The following CDK19 variants were observed in gnomAD, a reference collection of about 807,000 sequenced individuals.
CDK19 encodes the protein cyclin dependent kinase 19, also known as cyclin-dependent kinase 19.
In CDK19, 20 loss-of-function variants were observed where a neutral mutation model predicts 68.3. That is an observed-to-expected ratio of 0.29 (90% confidence interval 0.21 to 0.43). The LOEUF (loss-of-function observed/expected upper bound fraction) is 0.43, where lower values mean the gene tolerates loss of function less well. Ranked by LOEUF, CDK19 falls within the 20% of genes least tolerant of loss-of-function variation. The probability of loss-of-function intolerance (pLI) is 1.00; values close to 1 mark genes in which losing one functional copy is unlikely to be tolerated. For missense variants in CDK19, 339 were observed against 623.5 expected, an observed-to-expected ratio of 0.54 and a Z score of 4.86; for synonymous variants, 221 against 222.8, an observed-to-expected ratio of 0.99 and a Z score of 0.07.
At chr6:110,728,080 G>A (rs1315681077) in intron 2 of CDK19, among the ~76,000 whole-genome samples, 1 of 151,904 alleles carries the variant, frequency 6.6e-6, no homozygotes, top group Non-Finnish European at 1.5e-5. Flanking sequence ...ACGAGGTCGG[G>A]AGTTCAAGAC....
At chr6:110,782,250 A>T (rs1176525893) in intron 1 of CDK19, among the ~76,000 whole-genome samples, 1 of 152,234 alleles carries the variant, frequency 6.6e-6, no homozygotes, top group African/African-American at 2.4e-5. Context: ...TGTCCCTTTT[A>T]TGCCTGCTCA....
chr6:110,648,473 A>C (rs1165228196), intron 4 of CDK19, among the ~76,000 whole-genome samples: 2 of 152,112 alleles, frequency 1.3e-5, no homozygotes, highest in Non-Finnish European at 2.9e-5. Context: ...ACAATGCCTA[A>C]GAATAAATAT....
intron 4 of CDK19, among the ~76,000 whole-genome samples, chr6:110,652,945 C>T (rs570461394): frequency 6.6e-6 from 1 of 152,220 alleles, no homozygotes; most frequent in South Asian, 2.1e-4. Flanking sequence ...AGTTTGAGAA[C>T]AGAACCTAGA....
chr6:110,774,099 T>G (rs1780223906), intron 1 of CDK19, among the ~76,000 whole-genome samples: 1 of 152,196 alleles, frequency 6.6e-6, no homozygotes, highest in South Asian at 2.1e-4. Flanking sequence ...ATAGGTAACA[T>G]TCACAATTAA....
At chr6:110,689,700 G>T (rs1008121884) in intron 2 of CDK19, among the ~76,000 whole-genome samples, 2 of 152,102 alleles carry the variant, frequency 1.3e-5, no homozygotes, top group Non-Finnish European at 2.9e-5. Context: ...CGGAGTCTGC[G>T]TCACTCCCCG....
intron 2 of CDK19, among the ~76,000 whole-genome samples, chr6:110,721,460 T>C (rs1442416155): frequency 6.6e-6 from 1 of 151,988 alleles, no homozygotes; most frequent in Non-Finnish European, 1.5e-5. Context: ...AAGATAACTT[T>C]TGTGGGGGCG....
At chr6:110,770,515 C>T (rs1002562336) in intron 1 of CDK19, among the ~76,000 whole-genome samples, 1 of 152,152 alleles carries the variant, frequency 6.6e-6, no homozygotes, top group Non-Finnish European at 1.5e-5. Flanking sequence ...CTCCCACTGG[C>T]TCCATCCCAC....
chr6:110,789,889 A>C (rs1293815297), intron 1 of CDK19, among the ~76,000 whole-genome samples: 1 of 152,206 alleles, frequency 6.6e-6, no homozygotes, highest in Non-Finnish European at 1.5e-5. Context: ...AATCTCCAAA[A>C]AATTTTTCTA....
intron 8 of CDK19, among the ~76,000 whole-genome samples, chr6:110,623,911 G>A (rs555131121): frequency 1.9e-4 from 24 of 127,900 alleles, no homozygotes; most frequent in Non-Finnish European, 3.3e-4. Context: ...ATATATATAC[G>A]TATATATATA....
chr6:110,763,688 T>A (rs931970906), intron 1 of CDK19, among the ~76,000 whole-genome samples: 1 of 152,186 alleles, frequency 6.6e-6, no homozygotes, highest in Non-Finnish European at 1.5e-5. Context: ...GTGCTGGGAT[T>A]ACTGGCATGA....
intron 1 of CDK19, among the ~76,000 whole-genome samples, chr6:110,783,483 CAA>C (rs560242300): frequency 1.1e-4 from 17 of 151,564 alleles, no homozygotes; most frequent in Non-Finnish European, 2.2e-4. Flanking sequence ...ACTAAAAATA[CAA>C]AAGTTAGCTG....
At chr6:110,645,969 G>A (rs774995919) in intron 4 of CDK19, 9 of 1,164,504 alleles carry the variant, frequency 7.7e-6, no homozygotes, top group African/African-American at 1.5e-5. Flanking sequence ...CTTCTACAAC[G>A]AGCACATGCA....
At chr6:110,657,770 G>A (rs994079215) in intron 4 of CDK19, among the ~76,000 whole-genome samples, 2 of 152,156 alleles carry the variant, frequency 1.3e-5, no homozygotes, top group African/African-American at 4.8e-5. Context: ...TTAAGTCAGT[G>A]ATTATCAAAT....
At chr6:110,770,598 C>T in intron 1 of CDK19, among the ~76,000 whole-genome samples, 1 of 152,100 alleles carries the variant, frequency 6.6e-6, no homozygotes, top group Non-Finnish European at 1.5e-5. Flanking sequence ...CCATATCATT[C>T]CACTCCTGAC....
In CDK19 at chr6:110,667,533, CT is replaced by C; in HGVS notation, c.356del (p.Lys119SerfsTer34). Reference sequence around the variant, plus strand: ...CCATAGATCTTGGCAACTGCATGGGCTTTTTATTTGCTTTTGATGCACGGTG... The same window carrying C: ...CCATAGATCTTGGCAACTGCATGGGCTTTTATTTGCTTTTGATGCACGGTG... Reference protein sequence around the residue: ...KFHRASKANKKPMQLPRSMVK... With the variant: ...KFHRASKANKXPMQLPRSMVK... On this transcript the variant is annotated frameshift_variant, in exon 4 of 13. Transcript: ENST00000368911. LOFTEE classifies it high-confidence loss of function. The C allele has an allele frequency of 6.3e-7, 1 of 1,581,146 alleles. No individual in the cohort carries two copies. Among genetic ancestry groups the C allele is most frequent in the Non-Finnish European group, 8.6e-7 (1 of 1,159,902 alleles).
intron 2 of CDK19, among the ~76,000 whole-genome samples, chr6:110,744,582 C>A (rs1444204778): frequency 6.6e-5 from 10 of 152,010 alleles, no homozygotes; most frequent in African/African-American, 2.4e-4. Context: ...TTGTGGACCA[C>A]TGGTAGAATT....
chr6:110,773,300 G>A (rs1226821072), intron 1 of CDK19, among the ~76,000 whole-genome samples: 3 of 148,454 alleles, frequency 2.0e-5, no homozygotes, highest in Non-Finnish European at 4.4e-5. Flanking sequence ...AGCCAAGATC[G>A]CACCACTGCA....
chr6:110,700,614 A>T (rs562058348), intron 2 of CDK19: 1 of 152,696 alleles, frequency 6.5e-6, no homozygotes, highest in Non-Finnish European at 1.5e-5. Flanking sequence ...GTGGTGGTTC[A>T]TGGAATTAGA....
At chr6:110,762,437 T>C (rs1260996308) in intron 1 of CDK19, among the ~76,000 whole-genome samples, 2 of 152,198 alleles carry the variant, frequency 1.3e-5, no homozygotes, top group African/African-American at 4.8e-5. Context: ...TACCACTTTG[T>C]ATGGTAACTT....
Sources: allele counts gnomAD v4.1 joint callset (sites outside exome capture counted in the v4.1 genomes callset), GRCh38; gene constraint gnomAD v4.1.1; transcripts MANE v1.5; gene names NCBI Gene and HGNC (gene_info 2026-07-23, HGNC 2026-07-21).